The following CNOT2 variants were observed in gnomAD, a reference collection of about 807,000 sequenced individuals.
CNOT2 encodes the protein CCR4-NOT transcription complex subunit 2.
In CNOT2, 7 loss-of-function variants were observed where a neutral mutation model predicts 72.1. The observed-to-expected ratio is 0.10, with a 90% CI of 0.06 to 0.18. The LOEUF is 0.18. Among genes scored for constraint, CNOT2 ranks in the 10% least tolerant of loss-of-function variants. The probability of loss-of-function intolerance (pLI) is 1.00; values close to 1 mark genes in which losing one functional copy is unlikely to be tolerated. For synonymous variants in CNOT2, 196 were observed against 225.6 expected, an observed-to-expected ratio of 0.87 and a Z score of 1.17; for missense variants, 345 against 660.3, an observed-to-expected ratio of 0.52 and a Z score of 5.23.
At chr12:70,308,555 TTCTCTCTC>T (rs3049213) in intron 2 of CNOT2, among the ~76,000 whole-genome samples, 3 of 134,256 alleles carry the variant, frequency 2.2e-5, no homozygotes, top group Non-Finnish European at 4.8e-5. Context: ...TTGGTATATT[TTCTCTCTC>T]TCTCTCTCTC....
chr12:70,321,855 G>A (rs1379364837), intron 4 of CNOT2: 1 of 151,264 alleles, frequency 6.6e-6, no homozygotes, highest in Admixed American at 6.6e-5. Context: ...GGCTAGATTT[G>A]GGTGGAAGTG....
intron 2 of CNOT2, 102 bp from the exon 3 acceptor site, chr12:70,310,793 C>G (rs1245132246): frequency 1.1e-6 from 1 of 915,984 alleles, no homozygotes; most frequent in African/African-American, 1.7e-5. Flanking sequence ...ATTTCTGTAT[C>G]TTAGCAATGC....
At chr12:70,296,626 G>A (rs1872834132) in intron 2 of CNOT2, among the ~76,000 whole-genome samples, 1 of 149,926 alleles carries the variant, frequency 6.7e-6, no homozygotes, top group Non-Finnish European at 1.5e-5. Context: ...AGAACTCGGA[G>A]GACTTGAATT....
intron 4 of CNOT2, among the ~76,000 whole-genome samples, chr12:70,326,870 C>T (rs906390555): frequency 2.0e-5 from 3 of 151,792 alleles, no homozygotes; most frequent in Non-Finnish European, 4.4e-5. Flanking sequence ...TAAAATTAAA[C>T]ACTGAAAGTA....
Position 70,314,273 on chromosome 12 carries a change from A to G in CNOT2, c.171+3256A>G, listed in dbSNP as rs532544184. ...GAATGTAAGCCCTGGAAATCCTACT[A>G]TGTAAGTTTTTATGTCAGCTACCTG... On this transcript the variant is annotated intron_variant, in intron 3 of 15. Coordinates refer to ENST00000229195, the MANE Select transcript of CNOT2 (RefSeq NM_014515.7). Among the ~76,000 whole-genome samples, 7 of 152,220 alleles carry G rather than the reference A, an allele frequency of 4.6e-5. No homozygotes were observed. In the South Asian group the frequency reaches 8.3e-4, roughly 18 times the overall value.
At chr12:70,291,936 C>G (rs1247225299) in intron 2 of CNOT2, among the ~76,000 whole-genome samples, 1 of 151,854 alleles carries the variant, frequency 6.6e-6, no homozygotes, top group Non-Finnish European at 1.5e-5. Context: ...GACTCCGTCT[C>G]AAAAAAACAA....
At chr12:70,307,066 C>T (rs538574537) in intron 2 of CNOT2, among the ~76,000 whole-genome samples, 4 of 152,208 alleles carry the variant, frequency 2.6e-5, no homozygotes, top group Non-Finnish European at 5.9e-5. Flanking sequence ...ATAAACGGAG[C>T]TTGCAGAACT....
At chr12:70,329,344 A>T in intron 4 of CNOT2, 79 bp from the exon 5 acceptor site, 2 of 1,174,278 alleles carry the variant, frequency 1.7e-6, no homozygotes, top group Non-Finnish European at 2.5e-6. Flanking sequence ...AAAGTGTCTT[A>T]AATCGCCAAC....
chr12:70,314,837 C>CTTGTTTGTTTGT (rs112288569), intron 3 of CNOT2, among the ~76,000 whole-genome samples: 12 of 150,926 alleles, frequency 8.0e-5, no homozygotes, highest in African/African-American at 2.9e-4. Context: ...CTCTTTTGTT[C>CTTGTTTGTTTGT]TTGTTTGTTT....
At chr12:70,326,133 G>T (rs569340582) in intron 4 of CNOT2, among the ~76,000 whole-genome samples, 2 of 151,704 alleles carry the variant, frequency 1.3e-5, no homozygotes, top group Non-Finnish European at 2.9e-5. Flanking sequence ...GAATGTGTTC[G>T]TATAGTCCTC....
In CNOT2 at chr12:70,269,319, C is replaced by T. The variant is rs553276158; in HGVS notation, c.-95-8813C>T. Among the ~76,000 whole-genome samples, 8 of 144,526 alleles carry T rather than the reference C, an allele frequency of 5.5e-5. No individual in the cohort carries two copies. The South Asian group carries it at 6.5e-4, about 12-fold the overall frequency. 94.8% of individuals were successfully genotyped at this position (144,526 alleles called of 152,430 possible). Reference sequence around the variant, plus strand: ...TTTTTTTTTTAAGGTCTTTACTATTCGAAGTTACTCTCTGCCAACAACCTT... The same window carrying T: ...TTTTTTTTTTAAGGTCTTTACTATTTGAAGTTACTCTCTGCCAACAACCTT... On this transcript the variant is annotated intron_variant, in intron 1 of 15. Transcript: ENST00000229195.
rs1881052629 is a variant in CNOT2, at chr12:70,338,829, T to G, written c.1178+7T>G. 2 of 1,609,698 alleles carry G rather than the reference T, an allele frequency of 1.2e-6. No individual in the cohort carries two copies. The highest frequency in any genetic ancestry group is 1.7e-6 in the Non-Finnish European group (2 of 1,177,892). On this transcript the variant is annotated splice_region_variant and intron_variant, in intron 11 of 15. Coordinates refer to ENST00000229195, the MANE Select transcript of CNOT2 (RefSeq NM_014515.7). The stretch of plus-strand genomic sequence containing the variant: ...TCAATCTGAACTCTCCTGAGTAAGT[T>G]TTTTCTGTTTTTCCATGTCTGTATA...
At chr12:70,353,445 A>G (rs1283826264) in intron 15 of CNOT2, among the ~76,000 whole-genome samples, 1 of 152,152 alleles carries the variant, frequency 6.6e-6, no homozygotes, top group Non-Finnish European at 1.5e-5. Flanking sequence ...TTCATGGACA[A>G]AATCTTTAGG....
At chr12:70,269,570 A>G (rs898806920) in intron 1 of CNOT2, among the ~76,000 whole-genome samples, 30 of 152,162 alleles carry the variant, frequency 2.0e-4, no homozygotes, top group Non-Finnish European at 3.5e-4. Context: ...ACTGGTATAT[A>G]GTATTAATAA....
chr12:70,338,954 T>C, intron 11 of CNOT2, 132 bp downstream of exon 11: 1 of 755,866 alleles, frequency 1.3e-6, no homozygotes, highest in African/African-American at 1.8e-5. Flanking sequence ...GTCATTCCCA[T>C]TCATGTTAGC....
chr12:70,289,299 A>T (rs1046254565), intron 2 of CNOT2, among the ~76,000 whole-genome samples: 2 of 152,000 alleles, frequency 1.3e-5, no homozygotes, highest in Admixed American at 1.3e-4. Context: ...CTTATTTCCT[A>T]TGAAAAGTCT....
chr12:70,345,864 G>A (rs1435037779), intron 14 of CNOT2: 1 of 197,588 alleles, frequency 5.1e-6, no homozygotes, highest in Non-Finnish European at 1.0e-5. Context: ...AACACATTGT[G>A]TCTTTATTTG....
intron 2 of CNOT2, among the ~76,000 whole-genome samples, chr12:70,306,054 C>T (rs372402108): frequency 2.0e-5 from 3 of 152,180 alleles, no homozygotes; most frequent in East Asian, 1.9e-4. Flanking sequence ...GGCTCCATTA[C>T]GTCTTCCAGT....
intron 2 of CNOT2, among the ~76,000 whole-genome samples, chr12:70,303,632 C>G (rs1874568902): frequency 6.6e-6 from 1 of 152,166 alleles, no homozygotes; most frequent in Admixed American, 6.5e-5. Context: ...CGACCTTTCT[C>G]TCTGGATGCC....
Sources: gnomAD v4.1 joint callset for allele counts (sites outside exome capture counted in the v4.1 genomes callset) on GRCh38, gnomAD v4.1.1 for gene constraint, MANE v1.5 for transcripts, NCBI Gene and HGNC (gene_info 2026-07-23, HGNC 2026-07-21) for gene names.